Variants in ADAMTSL1 observed in about 807,000 individuals in gnomAD.
The protein encoded by ADAMTSL1 is ADAMTS like 1.
A neutral mutation model predicts 201.8 loss-of-function variants in ADAMTSL1; 126 were observed. That is an observed-to-expected ratio of 0.62 (90% CI 0.54 to 0.72). The LOEUF is 0.72. Among genes scored for constraint, ADAMTSL1 ranks in the 30% least tolerant of loss-of-function variants. ADAMTSL1 has a pLI of 0.00. For missense variants in ADAMTSL1, 2,679 were observed against 2,277.8 expected, an observed-to-expected ratio of 1.18 and a Z score of -3.59; for synonymous variants, 1,121 against 903.4, an observed-to-expected ratio of 1.24 and a Z score of -4.32.
chr9:18,068,037 AGTT>A (rs1261555300), intron 1 of ADAMTSL1, among the ~76,000 whole-genome samples: 2 of 152,056 alleles, frequency 1.3e-5, no homozygotes, highest in African/African-American at 4.8e-5. Flanking sequence ...GGTTTCTGGA[AGTT>A]GTTAGTAATA....
rs151197152 is a variant in ADAMTSL1, at chr9:18,332,515, A to G, written c.207+168534A>G. On this transcript the variant is annotated intron_variant, in intron 2 of 29. Transcript: ENST00000680146. ...ACTCAGGCTGGAATATAGTGTTACAATCATAGCCCCCTGCAGCCTTGACCT... is the reference window on the plus strand; with the variant it reads ...ACTCAGGCTGGAATATAGTGTTACAGTCATAGCCCCCTGCAGCCTTGACCT... Among the ~76,000 whole-genome samples the G allele has an allele frequency of 2.3e-3, 343 of 152,228 alleles. 1 individual carries two copies. Among genetic ancestry groups the G allele is most frequent in the South Asian group, 0.014 (65 of 4,812 alleles).
intron 1 of ADAMTSL1, among the ~76,000 whole-genome samples, chr9:18,080,937 T>C (rs1587001230): frequency 6.6e-6 from 1 of 152,362 alleles, no homozygotes; most frequent in Non-Finnish European, 1.5e-5. Context: ...TCTAACATAT[T>C]TATTAATATT....
chr9:18,227,421 G>C (rs933741831), intron 2 of ADAMTSL1, among the ~76,000 whole-genome samples: 26 of 152,144 alleles, frequency 1.7e-4, no homozygotes, highest in African/African-American at 5.8e-4. Context: ...GGTACATTCA[G>C]AGTGTTCCTC....
chr9:18,197,988 A>G (rs1323204252), intron 2 of ADAMTSL1, among the ~76,000 whole-genome samples: 1 of 152,176 alleles, frequency 6.6e-6, no homozygotes, highest in African/African-American at 2.4e-5. Context: ...GACAAACCTG[A>G]GAAAAACAAG....
chr9:18,813,253 C>T (rs1446824678), intron 20 of ADAMTSL1, among the ~76,000 whole-genome samples: 1 of 152,186 alleles, frequency 6.6e-6, no homozygotes, highest in African/African-American at 2.4e-5. Flanking sequence ...CATGAGCCAC[C>T]ACACCCGGCC....
At chr9:18,024,261 T>C (rs1033316410) in intron 1 of ADAMTSL1, among the ~76,000 whole-genome samples, 5 of 152,150 alleles carry the variant, frequency 3.3e-5, no homozygotes, top group Non-Finnish European at 7.4e-5. Flanking sequence ...TTTATTATCT[T>C]TTTATTGCAA....
chr9:18,486,010 G>C (rs947114312), intron 1 of ADAMTSL1, among the ~76,000 whole-genome samples: 6 of 152,136 alleles, frequency 3.9e-5, no homozygotes, highest in Non-Finnish European at 8.8e-5. Context: ...ACCTCTTGTG[G>C]GCTCCCTTTG....
At chr9:18,193,453 C>G (rs1829051039) in intron 2 of ADAMTSL1, among the ~76,000 whole-genome samples, 1 of 152,080 alleles carries the variant, frequency 6.6e-6, no homozygotes, top group Non-Finnish European at 1.5e-5. Context: ...CAGAAAAGCT[C>G]CTTTGCCTTG....
intron 19 of ADAMTSL1, among the ~76,000 whole-genome samples, chr9:18,781,579 G>T (rs1389995444): frequency 6.6e-6 from 1 of 152,208 alleles, no homozygotes; most frequent in African/African-American, 2.4e-5. Flanking sequence ...GCTGTGGGCT[G>T]TTGGTGACCT....
At chr9:18,252,467 C>T (rs1831500815) in intron 2 of ADAMTSL1, among the ~76,000 whole-genome samples, 1 of 152,076 alleles carries the variant, frequency 6.6e-6, no homozygotes, top group South Asian at 2.1e-4. Flanking sequence ...ATACTATTTG[C>T]ATAAATCTAC....
chr9:18,300,780 A>G (rs10963560), intron 2 of ADAMTSL1, among the ~76,000 whole-genome samples: 20,309 of 152,186 alleles, frequency 0.13, 1,445 homozygotes, highest in East Asian at 0.21. Context: ...TCCCATGATG[A>G]CACCTGGGTA....
At chr9:18,073,859 A>T (rs1823074615) in intron 1 of ADAMTSL1, among the ~76,000 whole-genome samples, 1 of 152,108 alleles carries the variant, frequency 6.6e-6, no homozygotes, top group African/African-American at 2.4e-5. Context: ...TAACTTCAGG[A>T]TCTACTTGGG....
At chr9:18,888,789 A>T (rs1320137733) in intron 24 of ADAMTSL1, among the ~76,000 whole-genome samples, 5 of 152,242 alleles carry the variant, frequency 3.3e-5, no homozygotes, top group Admixed American at 6.5e-5. Context: ...CGGCACAAAA[A>T]GATGAAGAAA....
intron 12 of ADAMTSL1, 27 bp downstream of exon 12, chr9:18,681,986 G>C (rs1397720512): frequency 6.2e-7 from 1 of 1,612,346 alleles, no homozygotes; most frequent in South Asian, 1.1e-5. Context: ...TCTATTACCA[G>C]CCTGTTAATT....
At chr9:17,933,721 G>T (rs1334619069) in intron 1 of ADAMTSL1, among the ~76,000 whole-genome samples, 1 of 152,112 alleles carries the variant, frequency 6.6e-6, no homozygotes, top group Non-Finnish European at 1.5e-5. Context: ...GGAAGACAGA[G>T]AAAGGGGAGG....
intron 2 of ADAMTSL1, among the ~76,000 whole-genome samples, chr9:18,388,248 T>C (rs1837885864): frequency 6.6e-6 from 1 of 151,996 alleles, no homozygotes; most frequent in Non-Finnish European, 1.5e-5. Flanking sequence ...GATTTATTTA[T>C]ATCTATTTAT....
At chr9:18,009,934 A>G (rs950063266) in intron 1 of ADAMTSL1, among the ~76,000 whole-genome samples, 1 of 152,030 alleles carries the variant, frequency 6.6e-6, no homozygotes, top group African/African-American at 2.4e-5. Context: ...AGAAGATAGA[A>G]GACAGATACT....
intron 1 of ADAMTSL1, among the ~76,000 whole-genome samples, chr9:18,063,387 T>C (rs935592718): frequency 2.6e-5 from 4 of 152,204 alleles, no homozygotes; most frequent in Admixed American, 1.3e-4. Context: ...TAGCCTTCTA[T>C]TTTGTAACAG....
chr9:18,039,900 C>G (rs1821363063), intron 1 of ADAMTSL1, among the ~76,000 whole-genome samples: 1 of 152,158 alleles, frequency 6.6e-6, no homozygotes. Context: ...TCCGATTTGT[C>G]TGTCTTCTTG....
Sources: allele counts gnomAD v4.1 joint callset (sites outside exome capture counted in the v4.1 genomes callset), GRCh38; gene constraint gnomAD v4.1.1; transcripts MANE v1.5; gene names NCBI Gene and HGNC (gene_info 2026-07-23, HGNC 2026-07-21).